The following MCM6 variants were observed in gnomAD, a reference collection of about 807,000 sequenced individuals.
The protein encoded by MCM6 is DNA replication licensing factor MCM6.
In MCM6, 46 loss-of-function variants were observed where a neutral mutation model predicts 94.3. The observed-to-expected ratio is 0.49, with a 90% CI of 0.39 to 0.62. The LOEUF is 0.62. Among genes scored for constraint, MCM6 ranks in the 20% least tolerant of loss-of-function variants. The pLI, the probability that MCM6 is intolerant of heterozygous loss-of-function variation, is 0.00. For missense variants in MCM6, 865 were observed against 1,017.9 expected, an observed-to-expected ratio of 0.85 and a Z score of 2.04; for synonymous variants, 335 against 351.9, an observed-to-expected ratio of 0.95 and a Z score of 0.54.
At chr2:135,843,730 C>CAA (rs55634938) in intron 16 of MCM6, among the ~76,000 whole-genome samples, 9 of 90,922 alleles carry the variant, frequency 9.9e-5, no homozygotes, top group East Asian at 3.0e-4. Flanking sequence ...AACTCTGTCT[C>CAA]AAAAAAAAAA....
intron 2 of MCM6, among the ~76,000 whole-genome samples, chr2:135,870,722 G>C (rs1390804096): frequency 1.3e-5 from 2 of 152,122 alleles, no homozygotes; most frequent in African/African-American, 4.8e-5. Context: ...TTATGACTTA[G>C]TAAGTCATGT....
chr2:135,859,346 A>G lies in MCM6; in HGVS notation c.1317T>C (p.Ser439=). 2.5e-6 allele frequency: 4 copies of G among 1,613,732 alleles called. No homozygotes were observed. The highest frequency in any genetic ancestry group is 3.4e-6 in the Non-Finnish European group (4 of 1,179,640). Residue 439 remains serine (S), a synonymous_variant, in exon 9 of 17, where the codon TCT becomes TCC. Transcript: ENST00000264156. ...LTAAVVRDEE[S]HEFVIEAGAL... is the part of the protein sequence containing the mutation. ...CTCCAGCCTCAATGACAAACTCATG[A>G]GATTCTTCATCTCTCACAACAGCTG... is the stretch of plus-strand genomic sequence containing the variant.
intron 11 of MCM6, 60 bp from the exon 12 acceptor site, chr2:135,852,975 C>T (rs1679805300): frequency 1.4e-6 from 2 of 1,446,354 alleles, no homozygotes; most frequent in African/African-American, 1.5e-5. Context: ...CAGACTATCC[C>T]AGGCAATAAG....
At chr2:135,862,526 C>T (rs924638595) in intron 8 of MCM6, 81 bp downstream of exon 8, 1 of 1,467,672 alleles carries the variant, frequency 6.8e-7, no homozygotes, top group Non-Finnish European at 9.5e-7. Context: ...TAAGGCCATA[C>T]TGACTGCATT....
chr2:135,846,212 G>A, intron 15 of MCM6, 25 bp downstream of exon 15: 1 of 1,611,810 alleles, frequency 6.2e-7, no homozygotes, highest in Non-Finnish European at 8.5e-7. Flanking sequence ...GACCGAGCAT[G>A]TAAGCAGTAC....
intron 13 of MCM6, among the ~76,000 whole-genome samples, chr2:135,848,506 G>A (rs1679710663): frequency 6.6e-6 from 1 of 152,050 alleles, no homozygotes; most frequent in African/African-American, 2.4e-5. Flanking sequence ...ATTAACCTAT[G>A]ACCCAACAAT....
chr2:135,871,858 G>A (rs770186115), intron 2 of MCM6, among the ~76,000 whole-genome samples: 5 of 152,158 alleles, frequency 3.3e-5, no homozygotes, highest in Admixed American at 2.6e-4. Flanking sequence ...TGCTAATGAC[G>A]GTGGTGGATT....
At chr2:135,875,764 T>C (rs1480402718) in intron 1 of MCM6, among the ~76,000 whole-genome samples, 2 of 152,166 alleles carry the variant, frequency 1.3e-5, no homozygotes, top group Non-Finnish European at 2.9e-5. Context: ...AAACCACAGT[T>C]GACGCAGAAA....
At chr2:135,860,143 T>A (rs762607530) in intron 8 of MCM6, among the ~76,000 whole-genome samples, 4 of 150,420 alleles carry the variant, frequency 2.7e-5, no homozygotes, top group Admixed American at 6.7e-5. Context: ...TTAATTAATT[T>A]ATTTATTTAG....
intron 6 of MCM6, among the ~76,000 whole-genome samples, 172 bp from the exon 7 acceptor site, chr2:135,865,335 CAA>C (rs2105588247): frequency 1.3e-5 from 2 of 152,120 alleles, no homozygotes; most frequent in East Asian, 3.9e-4. Flanking sequence ...CCTCAGTTAA[CAA>C]AGACACTTAA....
Position 135,858,150 on chromosome 2 carries a change from C to T in MCM6, c.1363-146G>A, listed in dbSNP as rs927888093. The T allele has an allele frequency of 1.6e-5, 11 of 707,576 alleles. No individual in the cohort carries two copies. The Middle Eastern group carries it at 1.2e-3, about 77-fold the overall frequency. The allele number at this position is 707,576 out of a possible 1,614,324, so 43.8% of individuals were successfully genotyped here. A position where few individuals can be genotyped will look rare whatever the true frequency, so the allele number is the denominator to read the frequency against. ...TTGAGGTTACAGTGAGCCATGATTG[C>T]CACTGTACTCCAGGTTAGGTGACAG... On this transcript the variant is annotated intron_variant, in intron 9 of 16. Coordinates refer to ENST00000264156, the MANE Select transcript of MCM6 (RefSeq NM_005915.6).
rs201086129 is a variant in MCM6 at position 135,842,095 on chromosome 2, ACT to A, written c.2350-1146_2350-1145del. Among the ~76,000 whole-genome samples the A allele has an allele frequency of 7.4e-3, 1,113 of 151,346 alleles. 12 individuals are homozygous for A. The highest frequency in any genetic ancestry group is 0.026 in the African/African-American group (1,045 of 40,750). On this transcript the variant is annotated intron_variant, in intron 16 of 16. Coordinates refer to ENST00000264156, the MANE Select transcript of MCM6 (RefSeq NM_005915.6). The stretch of plus-strand genomic sequence containing the variant: ...ACTCCAGTCTGGGCAACAGAGCAAG[ACT>A]CTCTCAAAAGATAAATAAATAAATA...
Position 135,856,775 on chromosome 2 carries a change from T to G in MCM6, c.1579A>C (p.Met527Leu). ...ATAAAGAAGAGATCGAATCGGGACA[T>G]GATGGGAGCTGACAAATTTATATTC... The part of the protein sequence containing the change: ...KQNINLSAPI[M>L]SRFDLFFILV... Residue 527 changes from methionine to leucine, a missense_variant, in exon 11 of 17, where the codon ATG becomes CTG. Met to Leu is a conservative substitution (Grantham distance 15, BLOSUM62 2). Transcript: ENST00000264156. The G allele has an allele frequency of 1.2e-6, 2 of 1,614,190 alleles. No individual in the cohort carries two copies. The highest frequency in any genetic ancestry group is 1.7e-6 in the Non-Finnish European group (2 of 1,180,036).
At position 135,876,250 on chromosome 2, in the gene MCM6, C is replaced by T; in HGVS notation, c.107+9G>A. ...AGGCGGGCGAGGCCCGGGGCGCTCGCCGACTTACTCCTCCAAGAAGTCCAG... is the reference window on the plus strand; with the variant it reads ...AGGCGGGCGAGGCCCGGGGCGCTCGTCGACTTACTCCTCCAAGAAGTCCAG... On this transcript the variant is annotated intron_variant, in intron 1 of 16. Transcript: ENST00000264156. 6.3e-6 allele frequency: 10 copies of T among 1,589,502 alleles called. No individual in the cohort carries two copies. Among genetic ancestry groups the T allele is most frequent in the Non-Finnish European group, 8.5e-6 (10 of 1,172,046 alleles).
chr2:135,876,345 C>T lies in MCM6; in HGVS notation c.21G>A (p.Ala7=), dbSNP rs1432644762. The T allele has an allele frequency of 1.2e-6, 2 of 1,608,040 alleles. No homozygotes were observed. Among genetic ancestry groups the T allele is most frequent in the South Asian group, 1.1e-5 (1 of 90,848 alleles). MDLAAA[A]EPGAGSQHLE... is the part of the protein sequence containing the mutation. ...GGTGCTGGCTGCCGGCGCCCGGCTC[C>T]GCTGCCGCCGCGAGGTCCATATTTG... The change falls in exon 1 of 17, where the codon GCG becomes GCA. Residue 7 remains alanine (A), a synonymous_variant. Coordinates refer to ENST00000264156, the MANE Select transcript of MCM6 (RefSeq NM_005915.6).
At chr2:135,876,224 G>T in intron 1 of MCM6, 35 bp downstream of exon 1, 1 of 1,528,796 alleles carries the variant, frequency 6.5e-7, no homozygotes. Context: ...GCAGGCTCCG[G>T]AGGCGGGCGA....
chr2:135,841,403 T>C (rs1679568560), intron 16 of MCM6, among the ~76,000 whole-genome samples: 1 of 152,146 alleles, frequency 6.6e-6, no homozygotes, highest in African/African-American at 2.4e-5. Context: ...AAAATTCATC[T>C]GAAAAATTTT....
chr2:135,875,364 C>CAA (rs939379676), intron 1 of MCM6, among the ~76,000 whole-genome samples: 1 of 139,370 alleles, frequency 7.2e-6, no homozygotes, highest in African/African-American at 2.6e-5. Flanking sequence ...AATTACGCCT[C>CAA]AAAAAAAAAA....
At chr2:135,865,630 G>C (rs1023050393) in intron 6 of MCM6, among the ~76,000 whole-genome samples, 6 of 152,060 alleles carry the variant, frequency 3.9e-5, no homozygotes, top group African/African-American at 1.4e-4. Context: ...AATAACAGAG[G>C]AACTATGAAA....
Sources: gnomAD v4.1 joint callset for allele counts (sites outside exome capture counted in the v4.1 genomes callset) on GRCh38, gnomAD v4.1.1 for gene constraint, MANE v1.5 for transcripts, NCBI Gene and HGNC (gene_info 2026-07-23, HGNC 2026-07-21) for gene names.